The following PDE1A variants were observed in gnomAD, a reference collection of about 807,000 sequenced individuals.
PDE1A encodes phosphodiesterase 1A, also known as dual specificity calcium/calmodulin-dependent 3',5'-cyclic nucleotide phosphodiesterase 1A.
Under a neutral mutation model 61.7 loss-of-function variants are expected in PDE1A, and 35 were observed. The observed-to-expected ratio is 0.57, with a 90% CI of 0.43 to 0.75. PDE1A has a LOEUF of 0.75. PDE1A is among the 30% of genes least tolerant of loss of function. The probability of loss-of-function intolerance (pLI) is 0.00; values close to 1 mark genes in which losing one functional copy is unlikely to be tolerated. For synonymous variants in PDE1A, 232 were observed against 213.2 expected (o/e 1.09, Z -0.77); for missense variants, 597 against 630.6 (o/e 0.95, Z 0.57).
intron 13 of PDE1A, among the ~76,000 whole-genome samples, chr2:182,179,264 T>A (rs1458568301): frequency 2.6e-5 from 4 of 151,576 alleles, no homozygotes; most frequent in African/African-American, 9.7e-5. Flanking sequence ...AGTATTTGGA[T>A]TTTTTTTTCT....
At chr2:182,174,676 C>A (rs935313150) in intron 13 of PDE1A, among the ~76,000 whole-genome samples, 2 of 152,006 alleles carry the variant, frequency 1.3e-5, no homozygotes, top group African/African-American at 2.4e-5. Context: ...TCAATTAACA[C>A]CTTAAGATTG....
the PDE1A span, among the ~76,000 whole-genome samples, chr2:182,601,834 C>G: frequency 6.6e-6 from 1 of 152,200 alleles, no homozygotes; most frequent in Non-Finnish European, 1.5e-5. Flanking sequence ...CCATCATCTG[C>G]TCATCTCTAG....
chr2:182,713,804 C>T, the PDE1A span, among the ~76,000 whole-genome samples: 1 of 152,184 alleles, frequency 6.6e-6, no homozygotes, highest in African/African-American at 2.4e-5. Flanking sequence ...AATCCACATC[C>T]TCTTCTAGTT....
At chr2:182,397,017 T>C (rs1005638943) in intron 1 of PDE1A, among the ~76,000 whole-genome samples, 1 of 152,232 alleles carries the variant, frequency 6.6e-6, no homozygotes, top group African/African-American at 2.4e-5. Flanking sequence ...TCTTCAAGAC[T>C]TGGTTATGGT....
At chr2:182,548,108 T>C in the PDE1A span, among the ~76,000 whole-genome samples, 4 of 152,184 alleles carry the variant, frequency 2.6e-5, no homozygotes, top group African/African-American at 9.6e-5. Flanking sequence ...CCCAAGGAAC[T>C]GGAAGATGGA....
chr2:182,263,795 C>T (rs1470389253), intron 2 of PDE1A, among the ~76,000 whole-genome samples: 1 of 152,172 alleles, frequency 6.6e-6, no homozygotes, highest in Non-Finnish European at 1.5e-5. Flanking sequence ...CTTACAACTG[C>T]TAATTATGAG....
the PDE1A span, among the ~76,000 whole-genome samples, chr2:182,609,968 T>G: frequency 6.6e-6 from 1 of 152,004 alleles, no homozygotes; most frequent in African/African-American, 2.4e-5. Flanking sequence ...CAGGCCTGTA[T>G]TCCCAGCTAC....
the PDE1A span, among the ~76,000 whole-genome samples, chr2:182,715,590 T>C: frequency 2.0e-5 from 3 of 152,208 alleles, no homozygotes; most frequent in African/African-American, 4.8e-5. Flanking sequence ...TCAATTGTTA[T>C]ATTGCTGTGG....
chr2:182,541,323 G>A, the PDE1A span, among the ~76,000 whole-genome samples: 10 of 152,130 alleles, frequency 6.6e-5, no homozygotes, highest in African/African-American at 2.4e-4. Context: ...AAACACTTAA[G>A]CTCTCTATAT....
intron 7 of PDE1A, among the ~76,000 whole-genome samples, chr2:182,209,683 G>A (rs954607232): frequency 2.6e-5 from 4 of 151,816 alleles, no homozygotes; most frequent in Non-Finnish European, 4.4e-5. Flanking sequence ...TCTGGTTGCT[G>A]AAAAGTGTGC....
the PDE1A span, among the ~76,000 whole-genome samples, chr2:182,642,240 A>G: frequency 6.6e-6 from 1 of 152,360 alleles, no homozygotes; most frequent in Non-Finnish European, 1.5e-5. Context: ...TGTATAAGCC[A>G]GAACATTTTC....
the PDE1A span, among the ~76,000 whole-genome samples, chr2:182,640,437 A>C: frequency 6.6e-6 from 1 of 152,228 alleles, no homozygotes; most frequent in Non-Finnish European, 1.5e-5. Flanking sequence ...AAGAGGTAGA[A>C]AGTAAATAAA....
At chr2:182,478,496 T>C (rs916817207) in intron 2 of PDE1A, among the ~76,000 whole-genome samples, 9 of 152,016 alleles carry the variant, frequency 5.9e-5, no homozygotes, top group South Asian at 4.1e-4. Flanking sequence ...AAACTACATA[T>C]GCAAGCCACA....
intron 1 of PDE1A, among the ~76,000 whole-genome samples, chr2:182,343,864 T>C (rs1348222499): frequency 2.7e-5 from 1 of 37,066 alleles, no homozygotes; most frequent in Non-Finnish European, 5.0e-5. Flanking sequence ...TCTTAATCTT[T>C]TTCTTTTTCT....
At chr2:182,697,821 C>T in the PDE1A span, among the ~76,000 whole-genome samples, 2 of 152,196 alleles carry the variant, frequency 1.3e-5, no homozygotes, top group African/African-American at 4.8e-5. Flanking sequence ...ACACTGGGCG[C>T]TGTATGACTC....
At chr2:182,223,183 CA>C (rs1339880623) in intron 7 of PDE1A, among the ~76,000 whole-genome samples, 3 of 151,824 alleles carry the variant, frequency 2.0e-5, no homozygotes, top group Admixed American at 6.6e-5. Flanking sequence ...GAAGACACAG[CA>C]AAAAGGGTGT....
the PDE1A span, among the ~76,000 whole-genome samples, chr2:182,561,396 T>C: frequency 6.6e-6 from 1 of 152,082 alleles, no homozygotes; most frequent in Non-Finnish European, 1.5e-5. Context: ...GAGGGCTCTG[T>C]TCTGTTCCAT....
intron 8 of PDE1A, among the ~76,000 whole-genome samples, 163 bp from the exon 9 acceptor site, chr2:182,201,952 A>AT (rs1468063544): frequency 6.6e-6 from 1 of 152,166 alleles, no homozygotes; most frequent in Non-Finnish European, 1.5e-5. Flanking sequence ...GTTTGATATT[A>AT]TTTTACCTTT....
intron 2 of PDE1A, among the ~76,000 whole-genome samples, chr2:182,465,697 C>T (rs11899043): frequency 2.0e-4 from 30 of 152,092 alleles, no homozygotes; most frequent in African/African-American, 6.0e-4. Context: ...ACTGACTTCA[C>T]GTCTGCTGAA....
Sources: gnomAD v4.1 joint callset for allele counts (sites outside exome capture counted in the v4.1 genomes callset) on GRCh38, gnomAD v4.1.1 for gene constraint, MANE v1.5 for transcripts, NCBI Gene and HGNC (gene_info 2026-07-23, HGNC 2026-07-21) for gene names.